NAALADL2: variants seen among roughly 807,000 people sequenced by gnomAD.
NAALADL2 encodes the protein N-acetylated alpha-linked acidic dipeptidase like 2, also known as inactive N-acetylated-alpha-linked acidic dipeptidase-like protein 2.
A neutral mutation model predicts 87.2 loss-of-function variants in NAALADL2; 76 were observed. The ratio of observed to expected loss-of-function variants is 0.87; its 90% CI spans 0.72 to 1.05. The LOEUF is 1.05. NAALADL2 is among the 50% of genes least tolerant of loss of function. The pLI, the probability that NAALADL2 is intolerant of heterozygous loss-of-function variation, is 0.00. For synonymous variants in NAALADL2, 354 were observed against 331.0 expected (o/e 1.07, Z -0.75); for missense variants, 1,089 against 945.8 (o/e 1.15, Z -1.99).
intron 1 of NAALADL2, among the ~76,000 whole-genome samples, chr3:175,061,740 T>TATATATAC (rs1306293541): frequency 6.7e-6 from 1 of 149,350 alleles, no homozygotes; most frequent in Admixed American, 6.7e-5. Context: ...TATATATATA[T>TATATATAC]ATATATATAT....
At position 175,133,614 on chromosome 3, in the gene NAALADL2, C is replaced by T. The variant is rs1046944661; in HGVS notation, c.545+36323C>T. 3.3e-5 allele frequency among the ~76,000 whole-genome samples: 5 copies of T among 152,272 alleles called. No individual in the cohort carries two copies. In the South Asian group the frequency reaches 6.2e-4, roughly 19 times the overall value. On this transcript the variant is annotated intron_variant, in intron 2 of 13. Transcript: ENST00000454872. The stretch of plus-strand genomic sequence containing the variant: ...GCGCGCGCCTGCAATCGCAGGCACT[C>T]GGCAGGCTGAGGCAGGCGAATCAGG...
At chr3:174,442,193 A>G (rs1471151580) in intron 1 of NAALADL2, among the ~76,000 whole-genome samples, 1 of 152,162 alleles carries the variant, frequency 6.6e-6, no homozygotes, top group Non-Finnish European at 1.5e-5. Context: ...AGAAGGGACC[A>G]TGGTGAGCAC....
chr3:174,840,886 A>T (rs554919410), intron 3 of NAALADL2, among the ~76,000 whole-genome samples: 1 of 152,264 alleles, frequency 6.6e-6, no homozygotes, highest in African/African-American at 2.4e-5. Flanking sequence ...CTTTAACAAT[A>T]CTAGCTGGTA....
chr3:174,906,345 G>A (rs1260357825), intron 1 of NAALADL2, among the ~76,000 whole-genome samples: 3 of 152,042 alleles, frequency 2.0e-5, no homozygotes, highest in African/African-American at 4.8e-5. Flanking sequence ...GAATACCCCT[G>A]CCTTGAGTAT....
chr3:175,202,904 G>A (rs909169350), intron 2 of NAALADL2, among the ~76,000 whole-genome samples: 2 of 151,922 alleles, frequency 1.3e-5, no homozygotes, highest in African/African-American at 4.8e-5. Flanking sequence ...GTGGGGGAAG[G>A]GTGCCAGTTA....
intron 2 of NAALADL2, among the ~76,000 whole-genome samples, chr3:175,133,691 T>A (rs7634633): frequency 6.6e-6 from 1 of 151,962 alleles, no homozygotes; most frequent in Admixed American, 6.5e-5. Flanking sequence ...AGCTTCGGCT[T>A]GGCATCAGAG....
intron 5 of NAALADL2, among the ~76,000 whole-genome samples, chr3:175,406,754 T>C (rs1254176946): frequency 6.6e-6 from 1 of 152,166 alleles, no homozygotes; most frequent in Non-Finnish European, 1.5e-5. Flanking sequence ...TTATTTCCTA[T>C]TGCCTTTTGA....
At chr3:174,709,792 G>T (rs1302172052) in intron 2 of NAALADL2, among the ~76,000 whole-genome samples, 1 of 152,158 alleles carries the variant, frequency 6.6e-6, no homozygotes, top group East Asian at 1.9e-4. Context: ...TTTGGAAAAA[G>T]AATGTGAATA....
intron 1 of NAALADL2, among the ~76,000 whole-genome samples, chr3:174,503,185 T>G (rs1719004436): frequency 6.6e-6 from 1 of 152,144 alleles, no homozygotes; most frequent in Admixed American, 6.5e-5. Context: ...TTGTAAGGCA[T>G]CAAGGGACAT....
At chr3:174,889,230 G>A (rs1483216488) in intron 1 of NAALADL2, among the ~76,000 whole-genome samples, 3 of 152,030 alleles carry the variant, frequency 2.0e-5, no homozygotes, top group Non-Finnish European at 4.4e-5. Context: ...TCTTTATGAT[G>A]TTTCCTTTAC....
At chr3:174,962,985 G>C (rs895764036) in intron 1 of NAALADL2, among the ~76,000 whole-genome samples, 1 of 152,060 alleles carries the variant, frequency 6.6e-6, no homozygotes. Flanking sequence ...TATGTAAATA[G>C]TTGGCACACT....
intron 9 of NAALADL2, among the ~76,000 whole-genome samples, chr3:175,555,813 C>G (rs1405054715): frequency 4.6e-5 from 7 of 152,096 alleles, no homozygotes; most frequent in Non-Finnish European, 1.0e-4. Flanking sequence ...GGAGCACAAT[C>G]TTGTCTAATT....
At chr3:174,926,704 A>G (rs1390652365) in intron 1 of NAALADL2, among the ~76,000 whole-genome samples, 1 of 152,246 alleles carries the variant, frequency 6.6e-6, no homozygotes, top group Non-Finnish European at 1.5e-5. Flanking sequence ...TCCTGAAAGA[A>G]GTACTAAACA....
At chr3:175,574,865 ATACTTTATGCGCTTG>A (rs1718627350) in intron 9 of NAALADL2, among the ~76,000 whole-genome samples, 1 of 152,170 alleles carries the variant, frequency 6.6e-6, no homozygotes, top group Non-Finnish European at 1.5e-5. Context: ...GATTGAGTAC[ATACTTTATGCGCTTG>A]TTATGACACT....
intron 2 of NAALADL2, among the ~76,000 whole-genome samples, chr3:174,649,548 A>G (rs953671899): frequency 1.3e-5 from 2 of 152,112 alleles, no homozygotes; most frequent in Admixed American, 6.5e-5. Context: ...AACTACATAT[A>G]TGCTCATCTG....
At chr3:175,428,329 G>A (rs1717172106) in intron 5 of NAALADL2, among the ~76,000 whole-genome samples, 1 of 152,108 alleles carries the variant, frequency 6.6e-6, no homozygotes, top group South Asian at 2.1e-4. Flanking sequence ...ATGCTGAAAT[G>A]AAGGAATTGT....
chr3:175,008,781 G>A (rs1749394115), intron 1 of NAALADL2, among the ~76,000 whole-genome samples: 1 of 152,078 alleles, frequency 6.6e-6, no homozygotes, highest in Non-Finnish European at 1.5e-5. Context: ...AACCTTCTAG[G>A]ATTCCTTGCA....
chr3:174,716,873 G>A (rs1943783762), intron 2 of NAALADL2, among the ~76,000 whole-genome samples: 2 of 152,076 alleles, frequency 1.3e-5, no homozygotes, highest in Admixed American at 1.3e-4. Flanking sequence ...CCTAGCTCCA[G>A]AAGACAGCTT....
At chr3:174,507,445 C>T (rs1719265883) in intron 1 of NAALADL2, among the ~76,000 whole-genome samples, 2 of 151,994 alleles carry the variant, frequency 1.3e-5, no homozygotes, top group East Asian at 3.9e-4. Context: ...ACAGTTTCTT[C>T]TTATTTTTGT....
Sources: allele counts gnomAD v4.1 joint callset (sites outside exome capture counted in the v4.1 genomes callset), GRCh38; gene constraint gnomAD v4.1.1; transcripts MANE v1.5; gene names NCBI Gene and HGNC (gene_info 2026-07-23, HGNC 2026-07-21).